Variants in SERPINE2 observed in about 807,000 individuals in gnomAD.
The protein encoded by SERPINE2 is serpin family E member 2, also known as glia-derived nexin.
Under a neutral mutation model 36.3 loss-of-function variants are expected in SERPINE2, and 14 were observed. That is an observed-to-expected ratio of 0.39 (90% CI 0.25 to 0.60). The LOEUF is 0.60. Ranked by LOEUF, SERPINE2 falls within the 20% of genes least tolerant of loss-of-function variation. SERPINE2 has a pLI of 0.57. For missense variants in SERPINE2, 418 were observed against 499.6 expected, an observed-to-expected ratio of 0.84 and a Z score of 1.56; for synonymous variants, 192 against 191.8, an observed-to-expected ratio of 1.00 and a Z score of -0.01.
At position 223,984,754 on chromosome 2, in the gene SERPINE2, G is replaced by A; in HGVS notation, c.882C>T (p.Pro294=). The part of the protein sequence containing the change: ...MVPKRVQVIL[P]KFTAVAQTDL... ...TTTGAGGGGAAGGGGCCACTTACTT[G>A]GGCAGGATCACCTGCACCCTCTTGG... Residue 294 remains proline (P), a splice_region_variant and synonymous_variant, in exon 5 of 9, where the codon CCC becomes CCT. Coordinates refer to ENST00000409304, the MANE Select transcript of SERPINE2 (RefSeq NM_001136528.2). 1 of 1,611,794 alleles carries A rather than the reference G, an allele frequency of 6.2e-7. No individual in the cohort carries two copies. Among genetic ancestry groups the A allele is most frequent in the Non-Finnish European group, 8.5e-7 (1 of 1,179,570 alleles).
chr2:223,981,054 C>T (rs1455072605), intron 6 of SERPINE2: 1 of 152,280 alleles, frequency 6.6e-6, no homozygotes, highest in Non-Finnish European at 1.5e-5. Flanking sequence ...GCAACACCCA[C>T]TGGGTGTAGC....
At chr2:223,985,331 G>A (rs1370193547) in intron 4 of SERPINE2, among the ~76,000 whole-genome samples, 1 of 144,478 alleles carries the variant, frequency 6.9e-6, no homozygotes, top group Non-Finnish European at 1.5e-5. Flanking sequence ...AAAGTGTATT[G>A]TGTATATTAA....
intron 1 of SERPINE2, among the ~76,000 whole-genome samples, chr2:224,021,185 T>C (rs1691984880): frequency 1.3e-5 from 2 of 152,210 alleles, no homozygotes; most frequent in African/African-American, 4.8e-5. Flanking sequence ...CTTGACATTC[T>C]TGGCAGTTGA....
chr2:224,005,937 A>G lies in SERPINE2; in HGVS notation c.-22-4015T>C, dbSNP rs528432724. 3.3e-5 allele frequency among the ~76,000 whole-genome samples: 5 copies of G among 152,242 alleles called. No individual in the cohort carries two copies. The South Asian group carries it at 1.0e-3, about 32-fold the overall frequency. On this transcript the variant is annotated intron_variant, in intron 1 of 8. Transcript: ENST00000409304. ...CCAAATGCCAGGTATCTCCTTCCCT[A>G]TGTTCTTCTAGTTTCTCTTACTTCA...
At chr2:224,022,721 A>G (rs560854665) in intron 1 of SERPINE2, among the ~76,000 whole-genome samples, 1 of 152,304 alleles carries the variant, frequency 6.6e-6, no homozygotes, top group East Asian at 1.9e-4. Context: ...TGGGCCATTA[A>G]CTTGCTTTCA....
intron 5 of SERPINE2, among the ~76,000 whole-genome samples, chr2:223,984,128 A>G (rs1251994499): frequency 6.6e-6 from 1 of 152,074 alleles, no homozygotes; most frequent in African/African-American, 2.4e-5. Flanking sequence ...AGCAATGTTG[A>G]AAAGTTCATA....
chr2:223,992,058 A>C (rs1690696390), intron 3 of SERPINE2, 58 bp from the exon 4 acceptor site: 10 of 1,451,952 alleles, frequency 6.9e-6, no homozygotes, highest in Non-Finnish European at 9.6e-6. Flanking sequence ...GGCCGGCTTG[A>C]GGGCAAATGG....
chr2:223,980,224 CATT>C, intron 7 of SERPINE2, 84 bp downstream of exon 7: 1 of 1,074,494 alleles, frequency 9.3e-7, no homozygotes, highest in Non-Finnish European at 1.4e-6. Context: ...AAAGAGGGTG[CATT>C]ACATATTTGC....
intron 1 of SERPINE2, among the ~76,000 whole-genome samples, chr2:224,008,026 C>T (rs1481905643): frequency 1.3e-5 from 2 of 152,196 alleles, no homozygotes; most frequent in African/African-American, 2.4e-5. Flanking sequence ...GCAAGAGAGA[C>T]GGTATAGCCT....
intron 1 of SERPINE2, among the ~76,000 whole-genome samples, chr2:224,024,570 C>T (rs1249316660): frequency 6.6e-6 from 1 of 152,188 alleles, no homozygotes; most frequent in Non-Finnish European, 1.5e-5. Context: ...CCTGGGCCTG[C>T]CTGCAATGGG....
chr2:223,990,772 G>A (rs573662644), intron 4 of SERPINE2, among the ~76,000 whole-genome samples: 206 of 152,246 alleles, frequency 1.4e-3, no homozygotes, highest in African/African-American at 4.7e-3. Context: ...AGGCCCAGGA[G>A]TTCAAGACTA....
chr2:223,984,670 G>C, intron 5 of SERPINE2, 82 bp downstream of exon 5: 1 of 1,312,962 alleles, frequency 7.6e-7, no homozygotes, highest in Non-Finnish European at 1.1e-6. Context: ...CCATATTTTC[G>C]CCTCATGTTG....
At chr2:224,030,206 G>A in intron 1 of SERPINE2, 3 of 985,438 alleles carry the variant, frequency 3.0e-6, no homozygotes, top group Non-Finnish European at 3.6e-6. Context: ...AGAGCCTGAA[G>A]CCTGCGGGCA....
intron 4 of SERPINE2, among the ~76,000 whole-genome samples, chr2:223,988,890 T>C (rs779979552): frequency 2.6e-5 from 4 of 152,232 alleles, no homozygotes; most frequent in Non-Finnish European, 4.4e-5. Context: ...GCACAAAAAG[T>C]TGTCCACTCT....
At chr2:223,991,301 C>G (rs1475437844) in intron 4 of SERPINE2, among the ~76,000 whole-genome samples, 1 of 152,154 alleles carries the variant, frequency 6.6e-6, no homozygotes, top group African/African-American at 2.4e-5. Flanking sequence ...GCCAGGACCC[C>G]GAGGAAGTCC....
At chr2:224,038,641 A>C in intron 1 of SERPINE2, 1 of 788,126 alleles carries the variant, frequency 1.3e-6, no homozygotes, top group Non-Finnish European at 2.2e-6. Flanking sequence ...CAGAGGTAAC[A>C]AGTAAGAGTG....
chr2:224,002,435 G>A (rs1691217499), intron 1 of SERPINE2, among the ~76,000 whole-genome samples: 1 of 152,050 alleles, frequency 6.6e-6, no homozygotes, highest in Non-Finnish European at 1.5e-5. Flanking sequence ...CATCTCTTGG[G>A]TCCTTACAAT....
At chr2:224,016,369 C>T (rs562723627) in intron 1 of SERPINE2, among the ~76,000 whole-genome samples, 2 of 152,064 alleles carry the variant, frequency 1.3e-5, no homozygotes, top group East Asian at 1.9e-4. Flanking sequence ...AGTCAGTCGT[C>T]GCGGCAGGTG....
chr2:224,012,095 A>G (rs971011659), intron 1 of SERPINE2, among the ~76,000 whole-genome samples: 1 of 152,188 alleles, frequency 6.6e-6, no homozygotes, highest in Non-Finnish European at 1.5e-5. Flanking sequence ...CTGCTTGTTA[A>G]CTGACTCTCC....
Sources: allele counts gnomAD v4.1 joint callset (sites outside exome capture counted in the v4.1 genomes callset), GRCh38; gene constraint gnomAD v4.1.1; transcripts MANE v1.5; gene names NCBI Gene and HGNC (gene_info 2026-07-23, HGNC 2026-07-21).